Variants in MASP1 observed in about 807,000 individuals in gnomAD.
The protein encoded by MASP1 is mannan-binding lectin serine protease 1.
A neutral mutation model predicts 77.1 loss-of-function variants in MASP1; 59 were observed. The observed-to-expected ratio is 0.77, with a 90% CI of 0.62 to 0.95. MASP1 has a LOEUF of 0.95. Ranked by LOEUF, MASP1 falls within the 40% of genes least tolerant of loss-of-function variation. The pLI is 0.00. For synonymous variants in MASP1, 362 were observed against 354.5 expected (o/e 1.02, Z -0.24); for missense variants, 885 against 912.9 (o/e 0.97, Z 0.39).
Position 187,234,544 on chromosome 3 carries a change from C to G in MASP1, c.*1140G>C, listed in dbSNP as rs1462594609. ...AGGGACTAGAACCCAGGACTCCTGG[C>G]TCTTTTCACTGCCTGCCATGGGTGA... is the stretch of plus-strand genomic sequence containing the variant. On this transcript the variant is annotated 3_prime_UTR_variant, in exon 11 of 11. Transcript: ENST00000296280. The G allele has an allele frequency of 1.6e-6, 2 of 1,287,112 alleles. No homozygotes were observed. The highest frequency in any genetic ancestry group is 2.0e-6 in the Non-Finnish European group (2 of 988,692). The allele number at this position is 1,287,112 out of a possible 1,614,324, so 79.7% of individuals were successfully genotyped here. A position where few individuals can be genotyped will look rare whatever the true frequency, so the allele number is the denominator to read the frequency against.
intron 2 of MASP1, among the ~76,000 whole-genome samples, chr3:187,282,308 C>T (rs1343790704): frequency 2.6e-5 from 4 of 151,894 alleles, no homozygotes; most frequent in African/African-American, 9.7e-5. Context: ...ACCATCCTGG[C>T]CAACATGGTG....
At chr3:187,262,394 T>TA in intron 3 of MASP1, 149 bp downstream of exon 3, 1 of 778,906 alleles carries the variant, frequency 1.3e-6, no homozygotes, top group South Asian at 1.5e-5. Flanking sequence ...GATGGATAGA[T>TA]ACGTGATAGA....
intron 8 of MASP1, chr3:187,244,803 C>T (rs940105288): frequency 9.2e-5 from 14 of 152,210 alleles, no homozygotes; most frequent in African/African-American, 3.4e-4. Flanking sequence ...TTCCAGAGCC[C>T]TGGTAAAATT....
In MASP1 at chr3:187,221,085, G is replaced by A. The variant is rs145213281; in HGVS notation, c.1859C>T (p.Pro620Leu). 32 of 1,613,928 alleles carry A rather than the reference G, an allele frequency of 2.0e-5. No homozygotes were observed. The highest frequency in any genetic ancestry group is 1.0e-4 in the Admixed American group (6 of 59,996). ...GTCCCTGGTCACTTTCTTCTTCAGC[G>A]GGGCATAAGCCTTCTGGCAGGTGCT... Residue 620 changes from proline to leucine, a missense_variant, in exon 15 of 16, where the codon CCG becomes CTG. By Grantham distance (98) the Pro-to-Leu change is moderately conservative (BLOSUM62 -3). Transcript: ENST00000337774.
chr3:187,257,909 T>C (rs949035900), intron 4 of MASP1, among the ~76,000 whole-genome samples: 2 of 152,172 alleles, frequency 1.3e-5, no homozygotes, highest in African/African-American at 4.8e-5. Flanking sequence ...ACTCCTTCTA[T>C]ATCCCCTTTT....
chr3:187,264,765 A>G (rs1715880767), intron 2 of MASP1, among the ~76,000 whole-genome samples: 1 of 152,192 alleles, frequency 6.6e-6, no homozygotes, highest in Non-Finnish European at 1.5e-5. Flanking sequence ...TATGTTGTGA[A>G]TTAGAAACCA....
chr3:187,234,352 A>G lies in MASP1; in HGVS notation c.*1332T>C, dbSNP rs1453653990. Reference sequence around the variant, plus strand: ...AGCTCCAGGGAGAAGGAGAACAATCAGCCCTGTGAGGGCCAGAGAGGCTGC... The same window carrying G: ...AGCTCCAGGGAGAAGGAGAACAATCGGCCCTGTGAGGGCCAGAGAGGCTGC... On this transcript the variant is annotated 3_prime_UTR_variant, in exon 11 of 11. Transcript: ENST00000296280. 2 of 1,287,258 alleles carry G rather than the reference A, an allele frequency of 1.6e-6. No individual in the cohort carries two copies. The highest frequency in any genetic ancestry group is 4.6e-5 in the Admixed American group (2 of 43,564). 79.7% of individuals were successfully genotyped at this position (1,287,258 alleles called of 1,614,324 possible).
intron 8 of MASP1, among the ~76,000 whole-genome samples, chr3:187,245,926 A>G (rs1230763118): frequency 1.3e-5 from 2 of 152,154 alleles, no homozygotes; most frequent in African/African-American, 4.8e-5. Context: ...GGGGCTTTCT[A>G]GAGAACGATG....
At chr3:187,271,141 C>G (rs1716486298) in intron 2 of MASP1, among the ~76,000 whole-genome samples, 1 of 152,154 alleles carries the variant, frequency 6.6e-6, no homozygotes, top group South Asian at 2.1e-4. Context: ...CCTCAAAAGT[C>G]ACCTAGTCTA....
chr3:187,248,780 C>T (rs1714317735), intron 8 of MASP1, among the ~76,000 whole-genome samples: 2 of 152,160 alleles, frequency 1.3e-5, no homozygotes. Flanking sequence ...TCATAAAATG[C>T]CCCCTCCTTC....
At chr3:187,226,506 C>T (rs376120569) in exon 12 of MASP1, 104 of 1,610,264 alleles carry the variant, frequency 6.5e-5, no homozygotes, top group African/African-American at 5.7e-4. Context: ...GCGGCGGTCA[C>T]GATCCAGCTG....
intron 6 of MASP1, 146 bp from the exon 7 acceptor site, chr3:187,251,898 G>T (rs1714639298): frequency 1.4e-6 from 1 of 713,470 alleles, no homozygotes; most frequent in African/African-American, 1.8e-5. Flanking sequence ...CCCTGCAAGA[G>T]ACTAATTCTG....
chr3:187,288,729 T>C (rs1247293077), intron 1 of MASP1, among the ~76,000 whole-genome samples: 2 of 152,192 alleles, frequency 1.3e-5, no homozygotes, highest in African/African-American at 2.4e-5. Flanking sequence ...ACTTCCTCCA[T>C]GACTGCTTTT....
chr3:187,227,134 G>C (rs1311885198), intron 11 of MASP1, among the ~76,000 whole-genome samples: 2 of 152,228 alleles, frequency 1.3e-5, no homozygotes, highest in South Asian at 2.1e-4. Flanking sequence ...TTTATGTCAT[G>C]GGGGTGGAGC....
At chr3:187,233,151 C>T (rs1002327581), downstream of MASP1, among the ~76,000 whole-genome samples, 1 of 152,216 alleles carries the variant, frequency 6.6e-6, no homozygotes, top group Admixed American at 6.5e-5. Flanking sequence ...AGCTCAGCCC[C>T]TTCCTGTCCA....
At position 187,225,462 on chromosome 3, in the gene MASP1, C is replaced by T. The variant is rs148698841; in HGVS notation, c.1603G>A (p.Val535Ile). The T allele has an allele frequency of 3.7e-5, 59 of 1,614,164 alleles. No homozygotes were observed. The highest frequency in any genetic ancestry group is 4.2e-5 in the Non-Finnish European group (49 of 1,180,026). Reference sequence around the variant, plus strand: ...TGGGGGTGGAGAGTGGTGTGTTTGACGCCGAGATGCTGTTCATTTTCATCT... The same window carrying T: ...TGGGGGTGGAGAGTGGTGTGTTTGATGCCGAGATGCTGTTCATTTTCATCT... Residue 535 changes from valine (V) to isoleucine (I), a missense_variant, in exon 13 of 16, where the codon GTC (valine) becomes ATC (isoleucine). Transcript: ENST00000337774.
At position 187,235,091 on chromosome 3, in the gene MASP1, G is replaced by A. The variant is rs1248143773; in HGVS notation, c.*593C>T. Reference sequence around the variant, plus strand: ...AAGGCTTAGACTGCAAGAAGCTTTTGGGAGAGAAACCCCAGGCATGAAGGT... The same window carrying A: ...AAGGCTTAGACTGCAAGAAGCTTTTAGGAGAGAAACCCCAGGCATGAAGGT... On this transcript the variant is annotated 3_prime_UTR_variant, in exon 11 of 11. Coordinates refer to ENST00000296280, the MANE Select transcript of MASP1 (RefSeq NM_139125.4). 1 of 1,287,160 alleles carries A rather than the reference G, an allele frequency of 7.8e-7. No homozygotes were observed. Among genetic ancestry groups the A allele is most frequent in the Non-Finnish European group, 1.0e-6 (1 of 988,736 alleles). The allele number at this position is 1,287,160 out of a possible 1,614,324, so 79.7% of individuals were successfully genotyped here. A position where few individuals can be genotyped will look rare whatever the true frequency, so the allele number is the denominator to read the frequency against.
chr3:187,260,625 C>A (rs1033397115), intron 4 of MASP1, 116 bp downstream of exon 4: 13 of 1,420,006 alleles, frequency 9.2e-6, no homozygotes, highest in African/African-American at 1.4e-5. Flanking sequence ...TGAGGTGCAT[C>A]ATTGACTTCA....
chr3:187,226,993 C>A (rs1390681622), intron 11 of MASP1, among the ~76,000 whole-genome samples: 4 of 152,208 alleles, frequency 2.6e-5, no homozygotes, highest in African/African-American at 9.7e-5. Flanking sequence ...TTTAACAAGA[C>A]TCTCCAGTAA....
Sources: gnomAD v4.1 joint callset for allele counts (sites outside exome capture counted in the v4.1 genomes callset) on GRCh38, gnomAD v4.1.1 for gene constraint, MANE v1.5 for transcripts, NCBI Gene and HGNC (gene_info 2026-07-23, HGNC 2026-07-21) for gene names.